UPF3B: variants seen among roughly 807,000 people sequenced by gnomAD.
The protein encoded by UPF3B is regulator of nonsense transcripts 3B.
UPF3B carries 7 observed loss-of-function variants against 40.3 expected under a neutral mutation model. The ratio of observed to expected loss-of-function variants is 0.17; its 90% CI spans 0.10 to 0.33. The LOEUF (loss-of-function observed/expected upper bound fraction) is 0.33. Among genes scored for constraint, UPF3B ranks in the 10% least tolerant of loss-of-function variants. The probability of loss-of-function intolerance (pLI) is 1.00; values close to 1 mark genes in which losing one functional copy is unlikely to be tolerated. For synonymous variants in UPF3B, 117 were observed against 117.3 expected (o/e 1.00, Z 0.01); for missense variants, 229 against 358.9 (o/e 0.64, Z 2.93).
intron 3 of UPF3B, among the ~76,000 whole-genome samples, chrX:119,847,833 T>C (rs1348463817): frequency 9.0e-6 from 1 of 110,599 alleles, no homozygotes; most frequent in East Asian, 2.8e-4. Context: ...TCGGTATATA[T>C]CCAAAAGCAG....
At chrX:119,846,147 A>T (rs752328196) in intron 3 of UPF3B, among the ~76,000 whole-genome samples, 17 of 110,268 alleles carry the variant, frequency 1.5e-4, no homozygotes, top group Admixed American at 2.9e-4. Context: ...CTGCCTGGCC[A>T]ACATGGTGAA....
At chrX:119,836,652 A>AT (rs1189730878) in intron 10 of UPF3B, among the ~76,000 whole-genome samples, 194 of 96,675 alleles carry the variant, frequency 2.0e-3, no homozygotes, top group African/African-American at 2.7e-3. Context: ...ATACTATTCG[A>AT]TTTTTTTTTT....
Position 119,851,871 on chromosome X carries a change from C to T in UPF3B, c.159G>A (p.Val53=). Residue 53 remains valine (V), a splice_region_variant and synonymous_variant, in exon 2 of 11, where the codon GTG becomes GTA. Coordinates refer to ENST00000276201, the MANE Select transcript of UPF3B (RefSeq NM_080632.3). ...NKEKKEALSK[V]VIRRLPPTLT... ...AAGTGGGAGGTAATCTTCGAATTAC[C>T]ACCTTAAGAAATGCATAAGGAAAAT... is the stretch of plus-strand genomic sequence containing the variant. 8.6e-7 allele frequency: 1 copy of T among 1,164,471 alleles called. No homozygotes were observed.
chrX:119,851,496 T>G lies in UPF3B; in HGVS notation c.369A>C (p.Lys123Asn), dbSNP rs1398291194. The change falls in exon 3 of 11, where the codon AAA becomes AAC. Residue 123 changes from lysine (K) to asparagine (N), a missense_variant and splice_region_variant. This residue lies in a region of UPF3B where 87 missense variants were observed against 184.2 expected (regional missense o/e 0.47). Transcript: ENST00000276201. ...RFDGYVFLDNKGQEYPAIVEF... is the reference protein window; with the variant it reads ...RFDGYVFLDNNGQEYPAIVEF... ...TTTACTTCAGTTACCAGGACTCACC[T>G]TTATTGTCAAGGAATACATAACCAT... 1 of 1,192,520 alleles carries G rather than the reference T, an allele frequency of 8.4e-7. No homozygotes were observed. The highest frequency in any genetic ancestry group is 1.1e-6 in the Non-Finnish European group (1 of 878,037).
chrX:119,837,408 GA>G (rs2056109158), intron 10 of UPF3B, among the ~76,000 whole-genome samples: 1 of 107,724 alleles, frequency 9.3e-6, no homozygotes, highest in South Asian at 4.2e-4. Flanking sequence ...GAGGTCAGGA[GA>G]TCAAGACCAT....
intron 3 of UPF3B, among the ~76,000 whole-genome samples, chrX:119,824,805 C>T (rs1482949008): frequency 2.3e-5 from 2 of 86,713 alleles, no homozygotes; most frequent in African/African-American, 4.7e-5. Context: ...CTTGCTCTGT[C>T]GCCCAGGCTG....
rs34094727 is a variant in UPF3B, at chrX:119,819,842, C to CTT, written c.494+3098_494+3099dup. On this transcript the variant is annotated intron_variant, in intron 4 of 6. Transcript: ENST00000636792. The stretch of plus-strand genomic sequence containing the variant: ...CACAAACTTTTCTTTTCTATTTTTC[C>CTT]TTTTTTTTTTTTTTTTTTTTGAGAT... Among the ~76,000 whole-genome samples the CTT allele has an allele frequency of 9.0e-4, 62 of 68,599 alleles. 1 individual carries two copies. The highest frequency in any genetic ancestry group is 1.4e-3 in the African/African-American group (24 of 16,626). 59.6% of individuals were successfully genotyped at this position (68,599 alleles called of 115,157 possible). A position where few individuals can be genotyped will look rare whatever the true frequency, so the allele number is the denominator to read the frequency against.
intron 4 of UPF3B, among the ~76,000 whole-genome samples, chrX:119,819,035 G>A (rs968681748): frequency 5.7e-5 from 6 of 104,983 alleles, no homozygotes; most frequent in African/African-American, 2.1e-4. Context: ...CTGGAGGGCC[G>A]AAGAATAGTA....
intron 3 of UPF3B, among the ~76,000 whole-genome samples, chrX:119,850,957 G>A (rs2147801473): frequency 8.9e-6 from 1 of 111,828 alleles, no homozygotes; most frequent in African/African-American, 3.2e-5. Context: ...GGCCAGGCTG[G>A]TCTCGATCTC....
chrX:119,823,100 G>T, intron 3 of UPF3B: 3 of 594,654 alleles, frequency 5.0e-6, no homozygotes, highest in Non-Finnish European at 6.1e-6. Context: ...TTTTACATGA[G>T]ATTTTTAGGT....
chrX:119,840,907 T>G (rs2056153427), intron 7 of UPF3B, among the ~76,000 whole-genome samples, 169 bp downstream of exon 7: 1 of 111,847 alleles, frequency 8.9e-6, no homozygotes, highest in South Asian at 3.6e-4. Flanking sequence ...ATCTTAAATT[T>G]AAAAACTAAT....
downstream of UPF3B, among the ~76,000 whole-genome samples, chrX:119,832,693 T>TATATTATATATACAAAAGGAC (rs2056049479): frequency 9.0e-6 from 1 of 111,071 alleles, no homozygotes; most frequent in African/African-American, 3.3e-5. Flanking sequence ...TAAATTTTTG[T>TATATTATATATACAAAAGGAC]AGTATAAAGG....
chrX:119,831,773 A>T, downstream of UPF3B: 1 of 687,976 alleles, frequency 1.5e-6, no homozygotes, highest in Non-Finnish European at 1.7e-6. Flanking sequence ...AAGTACAATG[A>T]AATATGTTAC....
downstream of UPF3B, chrX:119,833,949 G>A (rs1159957010): frequency 4.5e-6 from 3 of 664,873 alleles, no homozygotes; most frequent in African/African-American, 2.4e-5. Flanking sequence ...TAGAAGGTGA[G>A]TGATGTCAGA....
intron 3 of UPF3B, among the ~76,000 whole-genome samples, chrX:119,823,615 G>A (rs1374720420): frequency 1.1e-5 from 1 of 92,586 alleles, no homozygotes; most frequent in African/African-American, 4.2e-5. Flanking sequence ...CCAGACTGGA[G>A]TACAGTGGTG....
Position 119,838,363 on chromosome X carries a change from T to C in UPF3B, c.1007+4A>G, listed in dbSNP as rs765853112. ...AACATAACAAAGAGTCCTTGACTACTGACCTCTTTGGTTTTTCATCTTTAA... is the reference window on the plus strand; with the variant it reads ...AACATAACAAAGAGTCCTTGACTACCGACCTCTTTGGTTTTTCATCTTTAA... On this transcript the variant is annotated splice_donor_region_variant and intron_variant, in intron 9 of 10. Coordinates refer to ENST00000276201, the MANE Select transcript of UPF3B (RefSeq NM_080632.3). 8.3e-7 allele frequency: 1 copy of C among 1,210,964 alleles called. No individual in the cohort carries two copies. Among genetic ancestry groups the C allele is most frequent in the Non-Finnish European group, 1.1e-6 (1 of 894,696 alleles).
intron 3 of UPF3B, chrX:119,823,191 C>T (rs1047074947): frequency 7.7e-6 from 1 of 130,626 alleles, no homozygotes; most frequent in African/African-American, 3.2e-5. Flanking sequence ...ACAACTTGCC[C>T]ACTTCCTCTC....
At chrX:119,807,412 A>T (rs1423918583) in intron 6 of UPF3B, 1 of 881,241 alleles carries the variant, frequency 1.1e-6, no homozygotes, top group Non-Finnish European at 1.5e-6. Context: ...CAGTCAGTAC[A>T]CCTAAGGCCA....
In UPF3B at chrX:119,841,602, G is replaced by A. The variant is rs751645728; in HGVS notation, c.624+133C>T. On this transcript the variant is annotated intron_variant, in intron 6 of 10. Transcript: ENST00000276201. ...GCAGGCTAGAGAGTGAGACCAAGAA[G>A]GCAAATCCTTAAAGAGTAATGGTGG... The A allele has an allele frequency of 1.0e-4, 69 of 681,896 alleles. No individual in the cohort carries two copies. The Middle Eastern group carries it at 1.4e-3, about 14-fold the overall frequency. The allele number at this position is 681,896 out of a possible 1,213,427, so 56.2% of individuals were successfully genotyped here.
Sources: gnomAD v4.1 joint callset for allele counts (sites outside exome capture counted in the v4.1 genomes callset) on GRCh38, gnomAD v4.1.1 for gene constraint, gnomAD v4.1.1 regional missense constraint, MANE v1.5 for transcripts, NCBI Gene and HGNC (gene_info 2026-07-23, HGNC 2026-07-21) for gene names.